INPP4B: variants seen among roughly 807,000 people sequenced by gnomAD.
INPP4B encodes inositol polyphosphate 4-phosphatase type II.
A neutral mutation model predicts 122.5 loss-of-function variants in INPP4B; 55 were observed. That is an observed-to-expected ratio of 0.45 (90% CI 0.36 to 0.56). The LOEUF (loss-of-function observed/expected upper bound fraction) is 0.56, where lower values mean the gene tolerates loss of function less well. Among genes scored for constraint, INPP4B ranks in the 20% least tolerant of loss-of-function variants. INPP4B has a pLI of 0.00. For synonymous variants in INPP4B, 403 were observed against 388.7 expected (o/e 1.04, Z -0.43); for missense variants, 1,000 against 1,097.7 (o/e 0.91, Z 1.26).
chr4:142,503,624 C>T (rs1823658917), intron 2 of INPP4B, among the ~76,000 whole-genome samples: 1 of 151,942 alleles, frequency 6.6e-6, no homozygotes, highest in African/African-American at 2.4e-5. Flanking sequence ...ATTAGAGTTC[C>T]AACAGGACTT....
At chr4:142,806,787 G>GA (rs912593813) in intron 1 of INPP4B, among the ~76,000 whole-genome samples, 1 of 27,126 alleles carries the variant, frequency 3.7e-5, no homozygotes, top group African/African-American at 1.3e-4. Flanking sequence ...AAGAAAGAAG[G>GA]AAAGAAAGAA....
chr4:142,067,478 CTT>C (rs1366270299), intron 25 of INPP4B, among the ~76,000 whole-genome samples: 2 of 152,174 alleles, frequency 1.3e-5, no homozygotes, highest in African/African-American at 2.4e-5. Flanking sequence ...TGGAGAATGA[CTT>C]TGACAAGTTG....
intron 22 of INPP4B, 141 bp downstream of exon 22, chr4:142,112,401 C>G: frequency 3.3e-6 from 3 of 901,900 alleles, no homozygotes; most frequent in Non-Finnish European, 4.9e-6. Context: ...CCTTCTATCT[C>G]AAATAATTTG....
intron 1 of INPP4B, among the ~76,000 whole-genome samples, chr4:142,767,297 G>T (rs1020614855): frequency 5.3e-5 from 8 of 152,132 alleles, no homozygotes; most frequent in African/African-American, 1.7e-4. Context: ...GAAGCAGTAT[G>T]CCCTTGCTTC....
chr4:142,360,050 AT>A (rs1249870008), intron 7 of INPP4B, among the ~76,000 whole-genome samples: 1 of 152,010 alleles, frequency 6.6e-6, no homozygotes, highest in Non-Finnish European at 1.5e-5. Context: ...AATTTCATAT[AT>A]AAGAGGGCCT....
At chr4:142,583,537 A>G (rs1166143752) in intron 2 of INPP4B, 2 of 152,150 alleles carry the variant, frequency 1.3e-5, no homozygotes, top group Non-Finnish European at 2.9e-5. Context: ...CCTCACCTCA[A>G]GCAAACCTCA....
At chr4:142,233,200 A>ATGTG (rs756193293) in intron 12 of INPP4B, among the ~76,000 whole-genome samples, 2 of 145,854 alleles carry the variant, frequency 1.4e-5, no homozygotes, top group Non-Finnish European at 3.0e-5. Flanking sequence ...GTGTCTGTAT[A>ATGTG]TGTGTGTGTG....
chr4:142,226,109 A>G (rs946650559), intron 12 of INPP4B, among the ~76,000 whole-genome samples: 5 of 152,232 alleles, frequency 3.3e-5, no homozygotes, highest in African/African-American at 1.2e-4. Context: ...ATATGGCAAC[A>G]TTAAAACATA....
intron 2 of INPP4B, among the ~76,000 whole-genome samples, chr4:142,529,433 T>G (rs1191186862): frequency 6.6e-6 from 1 of 152,076 alleles, no homozygotes; most frequent in Non-Finnish European, 1.5e-5. Flanking sequence ...AATTCAGGTA[T>G]CTTCTATTAA....
Position 142,638,136 on chromosome 4 carries a change from C to G in INPP4B, c.-191+87703G>C, listed in dbSNP as rs556347853. ...TTTGTCTTTTGCAAATATTTTCTCCCAGTCCGTGGCTTGTCTTCTCATTCT... is the reference window on the plus strand; with the variant it reads ...TTTGTCTTTTGCAAATATTTTCTCCGAGTCCGTGGCTTGTCTTCTCATTCT... On this transcript the variant is annotated intron_variant, in intron 2 of 25. Transcript: ENST00000262992. 2.0e-5 allele frequency among the ~76,000 whole-genome samples: 3 copies of G among 152,244 alleles called. No individual in the cohort carries two copies. The East Asian group carries it at 5.8e-4, about 29-fold the overall frequency.
chr4:142,639,588 C>CT (rs539039951), intron 2 of INPP4B, among the ~76,000 whole-genome samples: 34 of 151,230 alleles, frequency 2.2e-4, no homozygotes, highest in Middle Eastern at 3.4e-3. Context: ...TTGAAGAGCA[C>CT]TTTTTTTTTG....
chr4:142,029,753 A>G (rs1027778015), intron 25 of INPP4B: 73 of 995,676 alleles, frequency 7.3e-5, no homozygotes, highest in Non-Finnish European at 8.6e-5. Context: ...CATCTCTAGA[A>G]CTTGTCTCAG....
intron 5 of INPP4B, among the ~76,000 whole-genome samples, chr4:142,409,639 G>A (rs1231142788): frequency 6.6e-6 from 1 of 152,128 alleles, no homozygotes; most frequent in Non-Finnish European, 1.5e-5. Context: ...CTTACACTAT[G>A]TCATAAGATG....
chr4:142,779,277 A>AT (rs1047568302), intron 1 of INPP4B, among the ~76,000 whole-genome samples: 1 of 152,028 alleles, frequency 6.6e-6, no homozygotes, highest in African/African-American at 2.4e-5. Context: ...GTTGAATGAT[A>AT]TTTTTTAGGG....
chr4:142,147,917 T>C (rs1201490088), intron 17 of INPP4B, among the ~76,000 whole-genome samples: 1 of 152,158 alleles, frequency 6.6e-6, no homozygotes, highest in African/African-American at 2.4e-5. Context: ...GAAGCTCATT[T>C]ATTCCAGGAA....
At chr4:142,426,980 C>T (rs1808230467) in intron 5 of INPP4B, 1 of 151,894 alleles carries the variant, frequency 6.6e-6, no homozygotes, top group South Asian at 2.1e-4. Flanking sequence ...TAAATATGCA[C>T]ACCCTTAAAC....
intron 2 of INPP4B, among the ~76,000 whole-genome samples, chr4:142,693,715 T>C (rs1428055770): frequency 6.6e-6 from 1 of 152,118 alleles, no homozygotes; most frequent in Non-Finnish European, 1.5e-5. Flanking sequence ...TGGTACAATA[T>C]TCAGGCCTAA....
At chr4:142,610,812 A>C (rs894539588) in intron 2 of INPP4B, among the ~76,000 whole-genome samples, 3 of 152,198 alleles carry the variant, frequency 2.0e-5, no homozygotes. Context: ...ACACATTACA[A>C]ACTGAAAAGT....
intron 2 of INPP4B, among the ~76,000 whole-genome samples, chr4:142,599,524 A>G (rs1045171905): frequency 1.3e-5 from 2 of 152,198 alleles, no homozygotes; most frequent in Admixed American, 1.3e-4. Context: ...GAACTTCAGG[A>G]AAAAGTCTTC....
Sources: allele counts gnomAD v4.1 joint callset (sites outside exome capture counted in the v4.1 genomes callset), GRCh38; gene constraint gnomAD v4.1.1; transcripts MANE v1.5; gene names NCBI Gene and HGNC (gene_info 2026-07-23, HGNC 2026-07-21).